The following ULK4 variants were observed in gnomAD, a reference collection of about 807,000 sequenced individuals.
ULK4 encodes unc-51 like kinase 4, also known as inactive serine/threonine-protein kinase ULK4.
A neutral mutation model predicts 160.6 loss-of-function variants in ULK4; 133 were observed. The observed-to-expected ratio is 0.83, with a 90% CI of 0.72 to 0.96. ULK4 has a LOEUF of 0.96. Among genes scored for constraint, ULK4 ranks in the 40% least tolerant of loss-of-function variants. ULK4 has a pLI of 0.00. For missense variants in ULK4, 1,580 were observed against 1,499.5 expected, an observed-to-expected ratio of 1.05 and a Z score of -0.89; for synonymous variants, 534 against 539.8, an observed-to-expected ratio of 0.99 and a Z score of 0.15.
intron 17 of ULK4, 39 bp downstream of exon 17, chr3:41,883,835 T>G (rs372015624): frequency 2.8e-5 from 43 of 1,516,728 alleles, no homozygotes; most frequent in Non-Finnish European, 3.9e-5. Flanking sequence ...GAACAGTATT[T>G]CTTGACATTC....
At chr3:41,901,172 C>CTTTTTTTTTTTT (rs201425733) in intron 12 of ULK4, among the ~76,000 whole-genome samples, 1 of 119,926 alleles carries the variant, frequency 8.3e-6, no homozygotes, top group Non-Finnish European at 1.7e-5. Context: ...AGCATGGCTT[C>CTTTTTTTTTTTT]TTTTTTTTTT....
chr3:41,629,508 C>A (rs1430067555), intron 30 of ULK4, among the ~76,000 whole-genome samples: 2 of 152,092 alleles, frequency 1.3e-5, no homozygotes. Flanking sequence ...CTATTGTGTT[C>A]TAAGTGGGCA....
chr3:41,288,982 G>T (rs944350467), intron 35 of ULK4, among the ~76,000 whole-genome samples: 3 of 152,318 alleles, frequency 2.0e-5, no homozygotes, highest in African/African-American at 7.2e-5. Flanking sequence ...GCCTGTAGGG[G>T]CTCCACAGCT....
Position 41,463,061 on chromosome 3 carries a change from A to C in ULK4, c.3393+26T>G, listed in dbSNP as rs374215131. ...AGCATGAAATGGAGTAGGGCTGCTC[A>C]AGACACAGGAAAACAGATCCTCTAC... On this transcript the variant is annotated intron_variant, in intron 33 of 36. Transcript: ENST00000301831. 1,653 of 1,609,326 alleles carry C rather than the reference A, an allele frequency of 1.0e-3. 30 individuals are homozygous for C. The South Asian group carries it at 0.017, about 16-fold the overall frequency.
At position 41,822,318 on chromosome 3, in the gene ULK4, G is replaced by A. The variant is rs144026359; in HGVS notation, c.1765-2812C>T. 5.1e-4 allele frequency among the ~76,000 whole-genome samples: 78 copies of A among 152,256 alleles called. No individual in the cohort carries two copies. The Middle Eastern group carries it at 0.02, about 40-fold the overall frequency. On this transcript the variant is annotated intron_variant, in intron 18 of 36. Coordinates refer to ENST00000301831, the MANE Select transcript of ULK4 (RefSeq NM_017886.4). ...CCAGAAACTCTTCTTAATAACGGCCGTAATCCATAATGAGGCAAATACATT... is the reference window on the plus strand; with the variant it reads ...CCAGAAACTCTTCTTAATAACGGCCATAATCCATAATGAGGCAAATACATT...
At chr3:41,663,548 A>G in intron 30 of ULK4, 59 bp downstream of exon 30, 1 of 1,442,334 alleles carries the variant, frequency 6.9e-7, no homozygotes, top group Non-Finnish European at 9.7e-7. Flanking sequence ...CATTTTCACA[A>G]CACATAAAAT....
chr3:41,505,373 T>C (rs1490536039), intron 32 of ULK4, among the ~76,000 whole-genome samples: 3 of 152,166 alleles, frequency 2.0e-5, no homozygotes, highest in Non-Finnish European at 2.9e-5. Flanking sequence ...ACCAGAATCA[T>C]ATATGAGATC....
intron 35 of ULK4, among the ~76,000 whole-genome samples, chr3:41,312,110 G>T (rs967100108): frequency 1.3e-5 from 2 of 151,816 alleles, no homozygotes; most frequent in Non-Finnish European, 2.9e-5. Flanking sequence ...ATTAGCTGGG[G>T]CTTACAGATA....
At chr3:41,889,682 TAAAAC>T (rs1335289603) in intron 16 of ULK4, among the ~76,000 whole-genome samples, 1 of 152,184 alleles carries the variant, frequency 6.6e-6, no homozygotes, top group African/African-American at 2.4e-5. Flanking sequence ...CCCCTGAACC[TAAAAC>T]AAAAGTATAA....
intron 32 of ULK4, among the ~76,000 whole-genome samples, chr3:41,539,034 A>AG (rs1164881943): frequency 1.4e-5 from 1 of 73,994 alleles, no homozygotes; most frequent in Non-Finnish European, 2.8e-5. Flanking sequence ...TCTTTTTCTT[A>AG]GTTTTTTTTT....
chr3:41,453,371 C>T (rs2083466125), intron 34 of ULK4, among the ~76,000 whole-genome samples: 1 of 152,006 alleles, frequency 6.6e-6, no homozygotes, highest in South Asian at 2.1e-4. Context: ...GAGACGGAGT[C>T]CTGCTATGTT....
In ULK4 at chr3:41,298,491, T is replaced by C. The variant is rs117082359; in HGVS notation, c.3679-48917A>G. Among the ~76,000 whole-genome samples the C allele has an allele frequency of 9.8e-3, 1,496 of 152,342 alleles. 12 individuals are homozygous for C. The highest frequency in any genetic ancestry group is 0.026 in the African/African-American group (1,094 of 41,584). ...CCAAAATTATTGCTATTTGGAAACATTGAAATCTTCCTATTGTTTTTTCTC... is the reference window on the plus strand; with the variant it reads ...CCAAAATTATTGCTATTTGGAAACACTGAAATCTTCCTATTGTTTTTTCTC... On this transcript the variant is annotated intron_variant, in intron 35 of 36. Transcript: ENST00000301831.
intron 17 of ULK4, among the ~76,000 whole-genome samples, chr3:41,840,719 C>T (rs796682506): frequency 8.7e-4 from 133 of 152,332 alleles, no homozygotes; most frequent in African/African-American, 3.0e-3. Flanking sequence ...GATCTCAGAT[C>T]GCCACAACCT....
intron 35 of ULK4, among the ~76,000 whole-genome samples, chr3:41,330,289 T>A (rs1469493315): frequency 6.6e-6 from 1 of 152,228 alleles, no homozygotes; most frequent in Non-Finnish European, 1.5e-5. Flanking sequence ...ATTAACCCTA[T>A]ACTGACTGCC....
At chr3:41,273,677 G>A (rs983745338) in intron 35 of ULK4, among the ~76,000 whole-genome samples, 1 of 152,154 alleles carries the variant, frequency 6.6e-6, no homozygotes, top group African/African-American at 2.4e-5. Flanking sequence ...TTGATTGCTA[G>A]AGTGGGGGTG....
chr3:41,393,528 T>C (rs535933687), intron 35 of ULK4, among the ~76,000 whole-genome samples: 1 of 152,258 alleles, frequency 6.6e-6, no homozygotes, highest in South Asian at 2.1e-4. Flanking sequence ...TCTTGCCAAC[T>C]TCCTCCCCAA....
At chr3:41,274,544 G>A (rs2079197543) in intron 35 of ULK4, among the ~76,000 whole-genome samples, 3 of 152,168 alleles carry the variant, frequency 2.0e-5, no homozygotes, top group African/African-American at 7.2e-5. Flanking sequence ...AAAAGGTCTA[G>A]GGACAGACTC....
chr3:41,300,866 TATATA>T, intron 35 of ULK4, among the ~76,000 whole-genome samples: 1 of 114,300 alleles, frequency 8.7e-6, no homozygotes, highest in Admixed American at 8.7e-5. Context: ...TATATATATA[TATATA>T]TATATATATA....
At chr3:41,259,144 C>T (rs1169702985) in intron 35 of ULK4, among the ~76,000 whole-genome samples, 1 of 150,726 alleles carries the variant, frequency 6.6e-6, no homozygotes, top group Non-Finnish European at 1.5e-5. Flanking sequence ...AATCAGATAA[C>T]ACACTTGGGA....
Sources: allele counts gnomAD v4.1 joint callset (sites outside exome capture counted in the v4.1 genomes callset), GRCh38; gene constraint gnomAD v4.1.1; transcripts MANE v1.5; gene names NCBI Gene and HGNC (gene_info 2026-07-23, HGNC 2026-07-21).